The following LARGE1 variants were observed in gnomAD, a reference collection of about 807,000 sequenced individuals.
LARGE1 encodes xylosyl- and glucuronyltransferase LARGE1.
Under a neutral mutation model 87.6 loss-of-function variants are expected in LARGE1, and 43 were observed. The ratio of observed to expected loss-of-function variants is 0.49; its 90% CI spans 0.38 to 0.63. The LOEUF (loss-of-function observed/expected upper bound fraction) is 0.63, where lower values mean the gene tolerates loss of function less well. Ranked by LOEUF, LARGE1 falls within the 30% of genes least tolerant of loss-of-function variation. LARGE1 has a pLI of 0.00. For synonymous variants in LARGE1, 434 were observed against 394.6 expected (o/e 1.10, Z -1.18); for missense variants, 802 against 1,000.2 (o/e 0.80, Z 2.67).
At chr22:33,518,878 A>G (rs2071432684) in intron 6 of LARGE1, among the ~76,000 whole-genome samples, 1 of 152,142 alleles carries the variant, frequency 6.6e-6, no homozygotes, top group South Asian at 2.1e-4. Flanking sequence ...AGAGACGGTC[A>G]TGTGTACATA....
At chr22:33,469,886 C>A (rs1273517640) in intron 6 of LARGE1, among the ~76,000 whole-genome samples, 1 of 117,014 alleles carries the variant, frequency 8.5e-6, no homozygotes, top group Admixed American at 9.6e-5. Flanking sequence ...TATGTTTACT[C>A]TTTTTTTTTT....
At chr22:33,297,652 A>G (rs952803485) in intron 12 of LARGE1, among the ~76,000 whole-genome samples, 1 of 139,078 alleles carries the variant, frequency 7.2e-6, no homozygotes, top group African/African-American at 2.5e-5. Context: ...CAAGAAGGCA[A>G]AAGGCAGTGA....
At chr22:33,721,111 A>T (rs1351631844) in intron 2 of LARGE1, among the ~76,000 whole-genome samples, 1 of 152,260 alleles carries the variant, frequency 6.6e-6, no homozygotes, top group Non-Finnish European at 1.5e-5. Context: ...TCAACTAAAC[A>T]ACAAAACTGG....
chr22:33,476,825 G>C (rs1034312189), intron 6 of LARGE1, among the ~76,000 whole-genome samples: 2 of 152,084 alleles, frequency 1.3e-5, no homozygotes, highest in Admixed American at 6.5e-5. Context: ...GGCGATGTCA[G>C]AGTGTGGATA....
At chr22:33,403,276 A>G (rs1328934543) in intron 7 of LARGE1, among the ~76,000 whole-genome samples, 1 of 152,198 alleles carries the variant, frequency 6.6e-6, no homozygotes, top group African/African-American at 2.4e-5. Flanking sequence ...AACTGGAGTG[A>G]GCTTGCAGAG....
chr22:33,796,410 C>A (rs2085984693), intron 1 of LARGE1, among the ~76,000 whole-genome samples: 1 of 152,198 alleles, frequency 6.6e-6, no homozygotes, highest in African/African-American at 2.4e-5. Flanking sequence ...CGACTTCTGA[C>A]TGGGAGGACA....
intron 1 of LARGE1, among the ~76,000 whole-genome samples, chr22:33,800,221 T>C (rs1601646533): frequency 1.3e-5 from 2 of 152,262 alleles, no homozygotes; most frequent in Non-Finnish European, 2.9e-5. Flanking sequence ...ACTTTACAGT[T>C]ATTTTCATTT....
At chr22:33,681,425 TTCATGACTTAAGATTTCTGGGCC>T (rs1167518521) in intron 2 of LARGE1, among the ~76,000 whole-genome samples, 32 of 152,330 alleles carry the variant, frequency 2.1e-4, no homozygotes, top group Admixed American at 2.0e-3. Flanking sequence ...TATCCTTAGG[TTCATGACTTAAGATTTCTGGGCC>T]TCATCGTCCT....
At chr22:33,903,280 A>G (rs73406702) in intron 1 of LARGE1, among the ~76,000 whole-genome samples, 7,468 of 152,278 alleles carry the variant, frequency 0.049, 625 homozygotes, top group African/African-American at 0.17. Flanking sequence ...AGACAGCCAC[A>G]TATAAGCCAA....
intron 2 of LARGE1, among the ~76,000 whole-genome samples, chr22:33,749,382 G>A (rs2145617903): frequency 6.6e-6 from 1 of 152,246 alleles, no homozygotes; most frequent in Non-Finnish European, 1.5e-5. Context: ...CAAAGTGCTA[G>A]GATTACAGCT....
intron 4 of LARGE1, among the ~76,000 whole-genome samples, chr22:33,617,961 AG>A (rs2079629160): frequency 6.6e-6 from 1 of 152,250 alleles, no homozygotes; most frequent in Non-Finnish European, 1.5e-5. Context: ...AATGTGCCAC[AG>A]TCCCTCCAAG....
At chr22:33,541,917 C>T (rs370568967) in intron 6 of LARGE1, among the ~76,000 whole-genome samples, 13 of 152,106 alleles carry the variant, frequency 8.5e-5, no homozygotes, top group Admixed American at 7.2e-4. Context: ...AATCCCAGCA[C>T]TTTGGAAGGC....
intron 6 of LARGE1, among the ~76,000 whole-genome samples, chr22:33,517,360 C>G (rs948295837): frequency 1.3e-5 from 2 of 152,180 alleles, no homozygotes; most frequent in African/African-American, 4.8e-5. Flanking sequence ...AAGGGCTGAA[C>G]TCGGTGGAGT....
chr22:33,119,043 G>A, the LARGE1 span, among the ~76,000 whole-genome samples: 1 of 152,174 alleles, frequency 6.6e-6, no homozygotes, highest in Non-Finnish European at 1.5e-5. Flanking sequence ...AAGCTTTAAG[G>A]TTTCCTTTGG....
At chr22:33,590,482 C>T (rs1433766853) in intron 5 of LARGE1, among the ~76,000 whole-genome samples, 1 of 152,154 alleles carries the variant, frequency 6.6e-6, no homozygotes, top group Non-Finnish European at 1.5e-5. Context: ...TAAATGTATA[C>T]AGTTTGCAAC....
chr22:33,483,321 C>A (rs1293890409), intron 6 of LARGE1, among the ~76,000 whole-genome samples: 1 of 152,154 alleles, frequency 6.6e-6, no homozygotes, highest in African/African-American at 2.4e-5. Context: ...TCCAGAGCCA[C>A]TCTGGAGATC....
intron 7 of LARGE1, among the ~76,000 whole-genome samples, chr22:33,398,561 G>C (rs574538638): frequency 6.6e-6 from 1 of 152,316 alleles, no homozygotes; most frequent in South Asian, 2.1e-4. Context: ...TTTAACCACA[G>C]AGTGCTTTGC....
intron 6 of LARGE1, among the ~76,000 whole-genome samples, chr22:33,496,520 AAG>A (rs1278746762): frequency 6.6e-6 from 1 of 152,166 alleles, no homozygotes; most frequent in African/African-American, 2.4e-5. Context: ...GGCAATCACC[AAG>A]ACACCAAGCT....
chr22:33,100,339 G>T, the LARGE1 span, among the ~76,000 whole-genome samples: 1 of 115,556 alleles, frequency 8.7e-6, no homozygotes, highest in African/African-American at 3.3e-5. Context: ...GATAGAATGG[G>T]ACTCCATCTC....
Sources: allele counts gnomAD v4.1 joint callset (sites outside exome capture counted in the v4.1 genomes callset), GRCh38; gene constraint gnomAD v4.1.1; transcripts MANE v1.5; gene names NCBI Gene and HGNC (gene_info 2026-07-23, HGNC 2026-07-21).